The following STMN4 variants were observed in gnomAD, a reference collection of about 807,000 sequenced individuals.
STMN4 encodes stathmin-4.
In STMN4, 12 loss-of-function variants were observed where a neutral mutation model predicts 29.1. The ratio of observed to expected loss-of-function variants is 0.41; its 90% CI spans 0.26 to 0.67. The LOEUF is 0.67. STMN4 is among the 30% of genes least tolerant of loss of function. STMN4 has a pLI of 0.30. For synonymous variants in STMN4, 114 were observed against 105.3 expected (o/e 1.08, Z -0.51); for missense variants, 181 against 262.8 (o/e 0.69, Z 2.15).
intron 1 of STMN4, among the ~76,000 whole-genome samples, chr8:27,255,611 C>G (rs1232639976): frequency 6.6e-6 from 1 of 152,194 alleles, no homozygotes; most frequent in East Asian, 1.9e-4. Context: ...CTCTCTCTTA[C>G]CTTCCTAATT....
At chr8:27,241,574 C>G in intron 4 of STMN4, 103 bp downstream of exon 4, 1 of 1,376,068 alleles carries the variant, frequency 7.3e-7, no homozygotes, top group South Asian at 1.2e-5. Flanking sequence ...CTCAATTTGT[C>G]GTCCGTGGTG....
At position 27,236,645 on chromosome 8, in the gene STMN4, T is replaced by C; in HGVS notation, c.*201A>G. 2.2e-6 allele frequency: 1 copy of C among 455,332 alleles called. No homozygotes were observed. The highest frequency in any genetic ancestry group is 3.8e-6 in the Non-Finnish European group (1 of 260,880). 28.2% of individuals were successfully genotyped at this position (455,332 alleles called of 1,614,324 possible). A position where few individuals can be genotyped will look rare whatever the true frequency, so the allele number is the denominator to read the frequency against. ...TCCTCTCCCCTCTCCCACCCCGTCA[T>C]TGTTCCCCGGAAACAAATAGGATGG... On this transcript the variant is annotated 3_prime_UTR_variant, in exon 7 of 7. Transcript: ENST00000350889.
At chr8:27,240,922 A>G in intron 5 of STMN4, 132 bp downstream of exon 5, 1 of 884,112 alleles carries the variant, frequency 1.1e-6, no homozygotes, top group East Asian at 2.6e-5. Context: ...TCTCCACCGC[A>G]CACTCGGGAG....
At chr8:27,247,631 T>C (rs1235883070) in intron 1 of STMN4, among the ~76,000 whole-genome samples, 4 of 152,150 alleles carry the variant, frequency 2.6e-5, no homozygotes, top group Admixed American at 1.3e-4. Context: ...CACAGCAATA[T>C]ACAGCCTGCA....
At chr8:27,237,042 G>T in intron 6 of STMN4, 137 bp from the exon 7 acceptor site, 2 of 855,398 alleles carry the variant, frequency 2.3e-6, no homozygotes, top group Non-Finnish European at 3.5e-6. Context: ...AAGGCATCCC[G>T]AGAGGGGCAG....
chr8:27,239,971 C>G lies in STMN4; in HGVS notation c.591G>C (p.Lys197Asn). 6.2e-7 allele frequency: 1 copy of G among 1,614,254 alleles called. No homozygotes were observed. Among genetic ancestry groups the G allele is most frequent in the Non-Finnish European group, 8.5e-7 (1 of 1,180,034 alleles). Residue 197 changes from lysine to asparagine, a missense_variant and splice_region_variant, in exon 6 of 7, where the codon AAG (lysine) becomes AAC (asparagine). Physicochemically the swap from Lys to Asn is moderately conservative, Grantham distance 94 (BLOSUM62 0). Transcript: ENST00000350889. ...TCCTCTCTAGCCAGGGACCCCTCAC[C>G]TTCTCTTGCAGCCGTTCCAACATGG... Reference protein sequence around the residue: ...LAAMLERLQEKDKHAEEVRKN... With the variant: ...LAAMLERLQENDKHAEEVRKN...
At chr8:27,249,247 A>T (rs1033512134) in intron 1 of STMN4, among the ~76,000 whole-genome samples, 7 of 152,132 alleles carry the variant, frequency 4.6e-5, no homozygotes, top group African/African-American at 1.7e-4. Context: ...AAGTGAAGAG[A>T]TCAGAGCCCT....
chr8:27,253,552 C>T (rs1284438251), intron 1 of STMN4, among the ~76,000 whole-genome samples: 3 of 152,202 alleles, frequency 2.0e-5, no homozygotes, highest in African/African-American at 4.8e-5. Flanking sequence ...TTATGCAAAG[C>T]ACTAGGGATC....
chr8:27,252,394 A>C (rs1429838627), intron 1 of STMN4, among the ~76,000 whole-genome samples: 1 of 152,222 alleles, frequency 6.6e-6, no homozygotes, highest in Non-Finnish European at 1.5e-5. Flanking sequence ...ACAAAGGGCT[A>C]ATATCCAGAA....
At position 27,236,744 on chromosome 8, in the gene STMN4, C is replaced by CA; in HGVS notation, c.*101dup. On this transcript the variant is annotated 3_prime_UTR_variant, in exon 7 of 7. Coordinates refer to ENST00000350889, the MANE Select transcript of STMN4 (RefSeq NM_030795.4). The stretch of plus-strand genomic sequence containing the variant: ...CGCCCCTTGGCCACCCCCCTCCCCC[C>CA]AAACCCCAGTGCTGGGAGCGCAGCC... 1 of 1,158,318 alleles carries CA rather than the reference C, an allele frequency of 8.6e-7. No homozygotes were observed. The highest frequency in any genetic ancestry group is 1.2e-6 in the Non-Finnish European group (1 of 853,572). 71.8% of individuals were successfully genotyped at this position (1,158,318 alleles called of 1,614,324 possible).
intron 1 of STMN4, among the ~76,000 whole-genome samples, chr8:27,246,155 G>C (rs561524176): frequency 6.6e-6 from 1 of 152,276 alleles, no homozygotes; most frequent in East Asian, 1.9e-4. Context: ...GGGGATATGA[G>C]TTAACTTTAA....
chr8:27,245,591 C>A (rs552992475), intron 1 of STMN4, among the ~76,000 whole-genome samples: 2 of 152,238 alleles, frequency 1.3e-5, no homozygotes, highest in African/African-American at 4.8e-5. Flanking sequence ...TGCCTGCATG[C>A]GACTTCCCTG....
At chr8:27,238,483 A>G (rs1219178339) in intron 6 of STMN4, among the ~76,000 whole-genome samples, 2 of 152,124 alleles carry the variant, frequency 1.3e-5, no homozygotes, top group Non-Finnish European at 2.9e-5. Flanking sequence ...ACTCTACAAT[A>G]TGGACCTTTC....
Position 27,238,265 on chromosome 8 carries a change from C to T in STMN4, c.592-1360G>A, listed in dbSNP as rs538677213. ...ACACAGGGTCAGTGACCCACACAAA[C>T]ACTGGCACAGCAGGCATTGTTGAAG... On this transcript the variant is annotated intron_variant, in intron 6 of 6. Transcript: ENST00000350889. Among the ~76,000 whole-genome samples, 17 of 152,326 alleles carry T rather than the reference C, an allele frequency of 1.1e-4. 2 individuals are homozygous for T. The South Asian group carries it at 3.5e-3, about 32-fold the overall frequency.
At position 27,243,694 on chromosome 8, in the gene STMN4, A is replaced by G. The variant is rs1167448629; in HGVS notation, c.13+17T>C. On this transcript the variant is annotated intron_variant, in intron 2 of 6. Coordinates refer to ENST00000350889, the MANE Select transcript of STMN4 (RefSeq NM_030795.4). ...GGGAATAGCCTACGCCCCTTAACACATGGTTTTTGTACCTACCAGCAAGGG... is the reference window on the plus strand; with the variant it reads ...GGGAATAGCCTACGCCCCTTAACACGTGGTTTTTGTACCTACCAGCAAGGG... The G allele has an allele frequency of 1.2e-6, 2 of 1,613,618 alleles. No individual in the cohort carries two copies. Among genetic ancestry groups the G allele is most frequent in the Non-Finnish European group, 1.7e-6 (2 of 1,179,728 alleles).
chr8:27,237,431 C>G (rs1175795826), intron 6 of STMN4, among the ~76,000 whole-genome samples: 1 of 152,072 alleles, frequency 6.6e-6, no homozygotes, highest in Non-Finnish European at 1.5e-5. Context: ...ATTATTTAAA[C>G]AAAAATAGAG....
intron 1 of STMN4, among the ~76,000 whole-genome samples, chr8:27,253,273 T>G (rs1038050425): frequency 1.3e-5 from 2 of 152,260 alleles, no homozygotes; most frequent in Non-Finnish European, 2.9e-5. Context: ...TCTTTCATTC[T>G]CCAATGCTTT....
intron 1 of STMN4, among the ~76,000 whole-genome samples, chr8:27,254,792 G>C (rs1801893718): frequency 7.7e-6 from 1 of 129,958 alleles, no homozygotes; most frequent in African/African-American, 3.0e-5. Flanking sequence ...GTGTGTAGGG[G>C]GTGGGGTGGG....
In STMN4 at chr8:27,237,041, C is replaced by T. The variant is rs548186764; in HGVS notation, c.592-136G>A. The T allele has an allele frequency of 3.5e-4, 301 of 863,946 alleles. 3 individuals carry two copies. The South Asian group carries it at 4.1e-3, about 12-fold the overall frequency. 53.5% of individuals were successfully genotyped at this position (863,946 alleles called of 1,614,324 possible). ...AAGAGCTCTGTCTGCAAAGGCATCC[C>T]GAGAGGGGCAGAAGGTGGCAGGTGA... is the stretch of plus-strand genomic sequence containing the variant. On this transcript the variant is annotated intron_variant, in intron 6 of 6. Transcript: ENST00000350889.
Sources: gnomAD v4.1 joint callset for allele counts (sites outside exome capture counted in the v4.1 genomes callset) on GRCh38, gnomAD v4.1.1 for gene constraint, MANE v1.5 for transcripts, NCBI Gene and HGNC (gene_info 2026-07-23, HGNC 2026-07-21) for gene names.